Variants in ACAD11 observed in about 807,000 individuals in gnomAD.
The protein encoded by ACAD11 is acyl-CoA dehydrogenase family member 11.
A neutral mutation model predicts 102.2 loss-of-function variants in ACAD11; 83 were observed. That is an observed-to-expected ratio of 0.81 (90% CI 0.68 to 0.97). The LOEUF (loss-of-function observed/expected upper bound fraction) is 0.97. ACAD11 is among the 50% of genes least tolerant of loss of function. The pLI is 0.00. For synonymous variants in ACAD11, 324 were observed against 319.8 expected, an observed-to-expected ratio of 1.01 and a Z score of -0.14; for missense variants, 901 against 951.7, an observed-to-expected ratio of 0.95 and a Z score of 0.70.
At chr3:132,565,684 G>A (rs1937189890) in intron 17 of ACAD11, among the ~76,000 whole-genome samples, 1 of 152,164 alleles carries the variant, frequency 6.6e-6, no homozygotes, top group South Asian at 2.1e-4. Flanking sequence ...TAGTGGGAGG[G>A]TCATGGGGGA....
chr3:132,595,969 A>G (rs1036312342), intron 13 of ACAD11, among the ~76,000 whole-genome samples: 1 of 152,190 alleles, frequency 6.6e-6, no homozygotes, highest in Non-Finnish European at 1.5e-5. Context: ...ATAAAGACAC[A>G]TGCATGCATA....
chr3:132,638,869 G>A (rs1940374899), intron 5 of ACAD11, among the ~76,000 whole-genome samples: 1 of 152,044 alleles, frequency 6.6e-6, no homozygotes. Context: ...AGAAACTAAT[G>A]AACCCAGAAA....
intron 4 of ACAD11, among the ~76,000 whole-genome samples, chr3:132,641,398 G>T (rs1425732459): frequency 2.6e-5 from 4 of 152,058 alleles, no homozygotes; most frequent in African/African-American, 7.2e-5. Flanking sequence ...AAAAAAATTA[G>T]CAGGGCGTGA....
At chr3:132,613,029 T>C (rs1206187029) in intron 11 of ACAD11, among the ~76,000 whole-genome samples, 1 of 152,154 alleles carries the variant, frequency 6.6e-6, no homozygotes, top group African/African-American at 2.4e-5. Flanking sequence ...ATATACACCA[T>C]GGAATACTAT....
intron 11 of ACAD11, among the ~76,000 whole-genome samples, chr3:132,613,093 G>A (rs150808326): frequency 0.053 from 8,011 of 151,876 alleles, 803 homozygotes; most frequent in African/African-American, 0.18. Context: ...GGATAAAGCT[G>A]GAAACCATCA....
intron 11 of ACAD11, among the ~76,000 whole-genome samples, chr3:132,608,099 T>C (rs1220675178): frequency 6.6e-6 from 1 of 152,202 alleles, no homozygotes; most frequent in East Asian, 1.9e-4. Context: ...CCACCAGGCC[T>C]GTCTTACAAC....
At chr3:132,621,467 T>C (rs181036553) in intron 9 of ACAD11, among the ~76,000 whole-genome samples, 47 of 152,276 alleles carry the variant, frequency 3.1e-4, no homozygotes, top group South Asian at 8.3e-4. Flanking sequence ...AATGAAACTA[T>C]CTTTCACGAA....
intron 4 of ACAD11, among the ~76,000 whole-genome samples, chr3:132,641,607 AG>A (rs1271788968): frequency 1.9e-4 from 27 of 144,178 alleles, no homozygotes; most frequent in African/African-American, 6.7e-4. Flanking sequence ...GAAGAAGAGG[AG>A]GAAGAAGAGG....
chr3:132,641,413 G>A (rs994762322), intron 4 of ACAD11, among the ~76,000 whole-genome samples: 4 of 152,092 alleles, frequency 2.6e-5, no homozygotes, highest in Non-Finnish European at 5.9e-5. Context: ...GCGTGATGGC[G>A]GGAGCCTGTA....
chr3:132,575,531 T>C (rs1408363418), intron 17 of ACAD11, among the ~76,000 whole-genome samples: 1 of 152,166 alleles, frequency 6.6e-6, no homozygotes, highest in African/African-American at 2.4e-5. Flanking sequence ...TCTGAGAAAG[T>C]TGAAGGAACT....
chr3:132,636,043 GA>G (rs1940261981), intron 5 of ACAD11, among the ~76,000 whole-genome samples: 1 of 152,014 alleles, frequency 6.6e-6, no homozygotes, highest in East Asian at 1.9e-4. Context: ...ATACAATTGG[GA>G]AACTTCTCTG....
intron 13 of ACAD11, among the ~76,000 whole-genome samples, chr3:132,602,904 G>C (rs887606940): frequency 6.6e-6 from 1 of 152,148 alleles, no homozygotes; most frequent in Non-Finnish European, 1.5e-5. Flanking sequence ...CCGGGGTCAA[G>C]CAAATCTCCT....
intron 8 of ACAD11, among the ~76,000 whole-genome samples, chr3:132,627,574 C>T (rs982762490): frequency 1.3e-5 from 2 of 152,206 alleles, no homozygotes; most frequent in Non-Finnish European, 2.9e-5. Context: ...ACTGCATGCT[C>T]TCACTCGTAA....
chr3:132,591,309 G>A lies in ACAD11; in HGVS notation c.1622-11751C>T, dbSNP rs139698462. On this transcript the variant is annotated intron_variant, in intron 13 of 19. Coordinates refer to ENST00000264990, the MANE Select transcript of ACAD11 (RefSeq NM_032169.5). Reference sequence around the variant, plus strand: ...TTGTCAGCCTTGTCAAAGATCAGATGGTCATAGGTGAGCAGCCTTATTTCT... The same window carrying A: ...TTGTCAGCCTTGTCAAAGATCAGATAGTCATAGGTGAGCAGCCTTATTTCT... Among the ~76,000 whole-genome samples, 22 of 152,208 alleles carry A rather than the reference G, an allele frequency of 1.4e-4. No homozygotes were observed. In the East Asian group the frequency reaches 4.3e-3, roughly 29 times the overall value.
chr3:132,558,658 A>T lies in ACAD11; in HGVS notation c.*313T>A. The T allele has an allele frequency of 7.9e-6, 2 of 253,124 alleles. No homozygotes were observed. The highest frequency in any genetic ancestry group is 1.2e-4 in the South Asian group (2 of 16,118). 15.7% of individuals were successfully genotyped at this position (253,124 alleles called of 1,614,324 possible). A position where few individuals can be genotyped will look rare whatever the true frequency, so the allele number is the denominator to read the frequency against. On this transcript the variant is annotated 3_prime_UTR_variant, in exon 20 of 20. Transcript: ENST00000264990. ...TAGGACTACAAGCATGTGCCACCACACTTGTTTCATTTTTAAATTTTTTGT... is the reference window on the plus strand; with the variant it reads ...TAGGACTACAAGCATGTGCCACCACTCTTGTTTCATTTTTAAATTTTTTGT...
intron 13 of ACAD11, among the ~76,000 whole-genome samples, chr3:132,582,404 C>G (rs925187306): frequency 3.3e-5 from 5 of 151,542 alleles, no homozygotes; most frequent in African/African-American, 9.7e-5. Context: ...AAACAATGCT[C>G]TCAGATATTT....
chr3:132,558,673 A>G lies in ACAD11; in HGVS notation c.*298T>C, dbSNP rs1259997905. On this transcript the variant is annotated 3_prime_UTR_variant, in exon 20 of 20. Transcript: ENST00000264990. The stretch of plus-strand genomic sequence containing the variant: ...GTGCCACCACACTTGTTTCATTTTT[A>G]AATTTTTTGTAGCAATGGGGGTCTC... The G allele has an allele frequency of 3.7e-6, 1 of 266,946 alleles. No individual in the cohort carries two copies. The highest frequency in any genetic ancestry group is 7.0e-6 in the Non-Finnish European group (1 of 143,134). 16.5% of individuals were successfully genotyped at this position (266,946 alleles called of 1,614,324 possible).
At chr3:132,626,670 T>C (rs766216595) in intron 9 of ACAD11, 21 bp downstream of exon 9, 2 of 1,612,070 alleles carry the variant, frequency 1.2e-6, no homozygotes, top group Non-Finnish European at 1.7e-6. Context: ...CAGAAATACA[T>C]TCTGCTTATA....
intron 17 of ACAD11, among the ~76,000 whole-genome samples, chr3:132,571,289 C>A (rs1015953248): frequency 1.3e-5 from 2 of 148,808 alleles, no homozygotes; most frequent in African/African-American, 4.9e-5. Flanking sequence ...CTGTTGGCCA[C>A]ATGTCTGTCT....
Sources: allele counts gnomAD v4.1 joint callset (sites outside exome capture counted in the v4.1 genomes callset), GRCh38; gene constraint gnomAD v4.1.1; transcripts MANE v1.5; gene names NCBI Gene and HGNC (gene_info 2026-07-23, HGNC 2026-07-21).